JARID2: variants seen among roughly 807,000 people sequenced by gnomAD.
JARID2 encodes jumonji and AT-rich interaction domain containing 2, also known as protein Jumonji.
In JARID2, 21 loss-of-function variants were observed where a neutral mutation model predicts 125.6. That is an observed-to-expected ratio of 0.17 (90% CI 0.12 to 0.24). JARID2 has a LOEUF of 0.24. Ranked by LOEUF, JARID2 falls within the 10% of genes least tolerant of loss-of-function variation. The probability of loss-of-function intolerance (pLI) is 1.00; values close to 1 mark genes in which losing one functional copy is unlikely to be tolerated. For missense variants in JARID2, 1,303 were observed against 1,639.6 expected (o/e 0.79, Z 3.55); for synonymous variants, 736 against 661.6 (o/e 1.11, Z -1.73).
intron 16 of JARID2, among the ~76,000 whole-genome samples, chr6:15,515,181 A>G (rs1351678952): frequency 6.6e-6 from 1 of 151,866 alleles, no homozygotes; most frequent in East Asian, 1.9e-4. Flanking sequence ...CTGGGACAGC[A>G]GGTGTACCAC....
At chr6:15,464,384 G>A (rs1768606904) in intron 4 of JARID2, among the ~76,000 whole-genome samples, 1 of 152,222 alleles carries the variant, frequency 6.6e-6, no homozygotes, top group South Asian at 2.1e-4. Context: ...CTATGACGTT[G>A]ATGAGATGGA....
intron 2 of JARID2, among the ~76,000 whole-genome samples, chr6:15,390,959 C>T (rs56070118): frequency 0.099 from 15,087 of 152,098 alleles, 983 homozygotes; most frequent in Non-Finnish European, 0.14. Context: ...TTTTTTTCCT[C>T]AGAGGTGGTA....
At chr6:15,448,019 A>G (rs1767749657) in intron 3 of JARID2, among the ~76,000 whole-genome samples, 1 of 152,216 alleles carries the variant, frequency 6.6e-6, no homozygotes, top group Non-Finnish European at 1.5e-5. Flanking sequence ...CTTTGGTTGT[A>G]TGGGGCTCTT....
At chr6:15,409,487 C>T (rs1224803723) in intron 2 of JARID2, among the ~76,000 whole-genome samples, 3 of 152,172 alleles carry the variant, frequency 2.0e-5, no homozygotes, top group African/African-American at 4.8e-5. Context: ...GTTATTCACC[C>T]GTTTCCCTAT....
intron 4 of JARID2, among the ~76,000 whole-genome samples, chr6:15,455,682 C>T (rs1768131929): frequency 6.6e-6 from 1 of 152,130 alleles, no homozygotes; most frequent in Non-Finnish European, 1.5e-5. Context: ...CAGGCGCCCA[C>T]CACTACGCCT....
chr6:15,512,807 T>G, intron 14 of JARID2, 108 bp from the exon 15 acceptor site: 1 of 1,113,866 alleles, frequency 9.0e-7, no homozygotes, highest in East Asian at 2.4e-5. Context: ...TAAATGCAAT[T>G]CAAGATTTAG....
intron 1 of JARID2, among the ~76,000 whole-genome samples, chr6:15,293,835 T>C (rs945809658): frequency 6.6e-6 from 1 of 152,250 alleles, no homozygotes. Flanking sequence ...ACTCCTCTGC[T>C]ATATTTGTCC....
chr6:15,324,784 C>T (rs925164476), intron 1 of JARID2, among the ~76,000 whole-genome samples: 15 of 151,400 alleles, frequency 9.9e-5, no homozygotes, highest in East Asian at 3.9e-4. Context: ...CCACCGCTCC[C>T]GCCAACTGCT....
chr6:15,501,443 G>T, intron 8 of JARID2, 34 bp downstream of exon 8: 1 of 1,511,174 alleles, frequency 6.6e-7, no homozygotes, highest in South Asian at 1.3e-5. Flanking sequence ...ACTCCCAGCT[G>T]CAGGAGTGCG....
At chr6:15,253,199 G>A (rs538866262) in intron 1 of JARID2, among the ~76,000 whole-genome samples, 1 of 152,176 alleles carries the variant, frequency 6.6e-6, no homozygotes, top group South Asian at 2.1e-4. Context: ...GAGTAGCTGG[G>A]ACTAACCAGC....
intron 2 of JARID2, among the ~76,000 whole-genome samples, chr6:15,399,254 C>T (rs553635368): frequency 2.0e-5 from 3 of 152,240 alleles, no homozygotes; most frequent in Admixed American, 1.3e-4. Flanking sequence ...TTGAGGTTAC[C>T]CCACCCCTTC....
intron 4 of JARID2, among the ~76,000 whole-genome samples, chr6:15,457,091 T>C (rs1297590944): frequency 5.3e-5 from 8 of 152,194 alleles, no homozygotes; most frequent in Non-Finnish European, 7.3e-5. Context: ...TGAAATGATA[T>C]TGCATTATAC....
intron 3 of JARID2, among the ~76,000 whole-genome samples, chr6:15,414,557 C>T (rs1044104697): frequency 1.1e-4 from 16 of 150,700 alleles, no homozygotes; most frequent in Admixed American, 6.6e-4. Context: ...TATATTTTTA[C>T]CTAGCCATTG....
chr6:15,458,760 C>T (rs907905225), intron 4 of JARID2, among the ~76,000 whole-genome samples: 10 of 152,150 alleles, frequency 6.6e-5, no homozygotes, highest in Non-Finnish European at 7.3e-5. Context: ...CGGGTCTCCG[C>T]GTTACAGTGC....
chr6:15,274,965 G>A (rs1760439770), intron 1 of JARID2, among the ~76,000 whole-genome samples: 1 of 152,218 alleles, frequency 6.6e-6, no homozygotes, highest in Admixed American at 6.5e-5. Flanking sequence ...ACTAAAGGAG[G>A]TTTTGGTTGC....
intron 4 of JARID2, among the ~76,000 whole-genome samples, chr6:15,466,965 G>A (rs1349950688): frequency 6.6e-6 from 1 of 152,212 alleles, no homozygotes; most frequent in Non-Finnish European, 1.5e-5. Flanking sequence ...AATGGCTTTT[G>A]TAAGACCAAG....
At chr6:15,428,486 G>A (rs1766827401) in intron 3 of JARID2, among the ~76,000 whole-genome samples, 1 of 152,006 alleles carries the variant, frequency 6.6e-6, no homozygotes, top group African/African-American at 2.4e-5. Context: ...TGTTCTCATT[G>A]TTCAATTCCC....
At chr6:15,386,803 G>A (rs987558081) in intron 2 of JARID2, among the ~76,000 whole-genome samples, 2 of 152,216 alleles carry the variant, frequency 1.3e-5, no homozygotes, top group Non-Finnish European at 2.9e-5. Context: ...CCCCTTAGCA[G>A]CTCCAGAAGT....
At chr6:15,498,209 C>A (rs1224567935) in intron 7 of JARID2, among the ~76,000 whole-genome samples, 1 of 152,184 alleles carries the variant, frequency 6.6e-6, no homozygotes, top group Non-Finnish European at 1.5e-5. Context: ...GCGATTTTGT[C>A]AAGGCCACAG....
Sources: gnomAD v4.1 joint callset for allele counts (sites outside exome capture counted in the v4.1 genomes callset) on GRCh38, gnomAD v4.1.1 for gene constraint, MANE v1.5 for transcripts, NCBI Gene and HGNC (gene_info 2026-07-23, HGNC 2026-07-21) for gene names.